The following RALYL variants were observed in gnomAD, a reference collection of about 807,000 sequenced individuals.
RALYL encodes RNA-binding Raly-like protein.
Under a neutral mutation model 35.1 loss-of-function variants are expected in RALYL, and 29 were observed. The ratio of observed to expected loss-of-function variants is 0.83; its 90% CI spans 0.61 to 1.13. The LOEUF (loss-of-function observed/expected upper bound fraction) is 1.13, where lower values mean the gene tolerates loss of function less well. Among genes scored for constraint, RALYL ranks in the 50% most tolerant of loss-of-function variants. The pLI, the probability that RALYL is intolerant of heterozygous loss-of-function variation, is 0.00. For synonymous variants in RALYL, 120 were observed against 127.6 expected (o/e 0.94, Z 0.40); for missense variants, 359 against 360.4 (o/e 1.00, Z 0.03).
intron 4 of RALYL, among the ~76,000 whole-genome samples, chr8:84,812,586 C>T: frequency 6.6e-6 from 1 of 152,080 alleles, no homozygotes; most frequent in East Asian, 1.9e-4. Flanking sequence ...CTCAGGCTCT[C>T]CTTCGATGGG....
intron 1 of RALYL, among the ~76,000 whole-genome samples, chr8:84,221,436 G>A (rs1822186293): frequency 6.6e-6 from 1 of 151,994 alleles, no homozygotes; most frequent in East Asian, 1.9e-4. Context: ...CAGCATATCA[G>A]CATAGTATGA....
intron 2 of RALYL, among the ~76,000 whole-genome samples, chr8:84,651,254 A>T (rs1332604322): frequency 6.6e-6 from 1 of 151,746 alleles, no homozygotes; most frequent in East Asian, 1.9e-4. Context: ...AAATAAAATA[A>T]AATTTATTTA....
chr8:84,865,132 A>G (rs1350218494), intron 6 of RALYL, among the ~76,000 whole-genome samples: 1 of 152,214 alleles, frequency 6.6e-6, no homozygotes, highest in African/African-American at 2.4e-5. Flanking sequence ...AATAAAATAT[A>G]TATGTGCATG....
At chr8:84,714,608 G>T (rs1842681161) in intron 2 of RALYL, among the ~76,000 whole-genome samples, 1 of 151,972 alleles carries the variant, frequency 6.6e-6, no homozygotes, top group Non-Finnish European at 1.5e-5. Context: ...ATGCAGTGTA[G>T]GAAGTAGTGT....
chr8:84,226,062 C>T (rs1823800766), intron 1 of RALYL, among the ~76,000 whole-genome samples: 1 of 152,164 alleles, frequency 6.6e-6, no homozygotes, highest in African/African-American at 2.4e-5. Flanking sequence ...GGAACCAGGT[C>T]ACACAGCAGG....
intron 6 of RALYL, chr8:84,872,695 G>C (rs1438671090): frequency 1.3e-5 from 2 of 152,126 alleles, no homozygotes; most frequent in Non-Finnish European, 2.9e-5. Flanking sequence ...ATCAAGCCCA[G>C]GGCTTAGAGG....
At chr8:84,794,847 A>G (rs1180904839) in intron 3 of RALYL, among the ~76,000 whole-genome samples, 1 of 152,200 alleles carries the variant, frequency 6.6e-6, no homozygotes, top group Non-Finnish European at 1.5e-5. Flanking sequence ...TCCTCCCTGT[A>G]GAATTATGAA....
At chr8:84,592,083 G>A (rs1813431577) in intron 2 of RALYL, among the ~76,000 whole-genome samples, 1 of 151,976 alleles carries the variant, frequency 6.6e-6, no homozygotes, top group African/African-American at 2.4e-5. Context: ...TTGGCCAGGC[G>A]ATTCTAACCA....
chr8:84,436,109 A>T (rs1393950432), intron 1 of RALYL, among the ~76,000 whole-genome samples: 1 of 152,164 alleles, frequency 6.6e-6, no homozygotes. Flanking sequence ...AAAATTAGAG[A>T]TTCCCAAATC....
At chr8:84,780,177 A>T (rs142920727) in intron 3 of RALYL, among the ~76,000 whole-genome samples, 1 of 151,542 alleles carries the variant, frequency 6.6e-6, no homozygotes, top group Non-Finnish European at 1.5e-5. Context: ...AGATGGTTCC[A>T]CTCAAACTAC....
chr8:84,540,618 T>G (rs1417799970), intron 2 of RALYL, among the ~76,000 whole-genome samples: 1 of 151,966 alleles, frequency 6.6e-6, no homozygotes, highest in Non-Finnish European at 1.5e-5. Context: ...AACTATTGGC[T>G]TATAATATTT....
At chr8:84,809,234 G>A (rs1395526969) in intron 4 of RALYL, among the ~76,000 whole-genome samples, 1 of 152,110 alleles carries the variant, frequency 6.6e-6, no homozygotes, top group Non-Finnish European at 1.5e-5. Flanking sequence ...CATCTATTGA[G>A]GTTATCATGT....
At chr8:84,221,210 TTCC>T (rs1306929649) in intron 1 of RALYL, among the ~76,000 whole-genome samples, 1 of 152,040 alleles carries the variant, frequency 6.6e-6, no homozygotes, top group Admixed American at 6.6e-5. Context: ...AGTTAATTAA[TTCC>T]AGTGGGAGAT....
Position 84,622,578 on chromosome 8 carries a change from C to T in RALYL, c.256+93001C>T, listed in dbSNP as rs574775473. ...TTAGTGTGTCCAGGGATCAGGACAA[C>T]GCTCCACAGAGTCGAGGGGCATTAG... On this transcript the variant is annotated intron_variant, in intron 2 of 8. Coordinates refer to ENST00000521268, the MANE Select transcript of RALYL (RefSeq NM_173848.7). Among the ~76,000 whole-genome samples, 15 of 152,196 alleles carry T rather than the reference C, an allele frequency of 9.9e-5. No homozygotes were observed. The South Asian group carries it at 1.0e-3, about 11-fold the overall frequency.
Position 84,488,929 on chromosome 8 carries a change from A to T in RALYL, c.-23-40370A>T, listed in dbSNP as rs114396858. ...GCTGCCAAAATATTTTAAAAGAACT[A>T]CTTCTTTAATTGAGAGGAAACAGTG... On this transcript the variant is annotated intron_variant, in intron 1 of 8. Coordinates refer to ENST00000521268, the MANE Select transcript of RALYL (RefSeq NM_173848.7). 2.6e-3 allele frequency among the ~76,000 whole-genome samples: 391 copies of T among 152,208 alleles called. 1 individual carries two copies. The highest frequency in any genetic ancestry group is 9.0e-3 in the African/African-American group (372 of 41,562).
At chr8:84,779,886 A>C (rs1439207937) in intron 3 of RALYL, among the ~76,000 whole-genome samples, 1 of 152,208 alleles carries the variant, frequency 6.6e-6, no homozygotes, top group Non-Finnish European at 1.5e-5. Context: ...TGTTCCCTAG[A>C]ACCTTGAAAG....
chr8:84,769,578 T>C (rs1034986223), intron 2 of RALYL, among the ~76,000 whole-genome samples: 1 of 151,912 alleles, frequency 6.6e-6, no homozygotes, highest in African/African-American at 2.4e-5. Context: ...CTGGCTAACA[T>C]GGTGAAACCC....
At chr8:84,793,527 C>G (rs1343869743) in intron 3 of RALYL, among the ~76,000 whole-genome samples, 2 of 152,172 alleles carry the variant, frequency 1.3e-5, no homozygotes, top group Non-Finnish European at 2.9e-5. Flanking sequence ...ACAATTATCT[C>G]AGAGAGCATT....
intron 1 of RALYL, among the ~76,000 whole-genome samples, chr8:84,446,657 A>G (rs1262676060): frequency 1.3e-5 from 2 of 152,050 alleles, no homozygotes; most frequent in African/African-American, 4.8e-5. Context: ...TTGAGTATTG[A>G]TTATTAAGAA....
Sources: allele counts gnomAD v4.1 joint callset (sites outside exome capture counted in the v4.1 genomes callset), GRCh38; gene constraint gnomAD v4.1.1; transcripts MANE v1.5; gene names NCBI Gene and HGNC (gene_info 2026-07-23, HGNC 2026-07-21).